INAVA: variants seen among roughly 807,000 people sequenced by gnomAD.
INAVA encodes innate immunity activator, also known as innate immunity activator protein.
In INAVA, 32 loss-of-function variants were observed where a neutral mutation model predicts 55.3. The observed-to-expected ratio is 0.58, with a 90% CI of 0.44 to 0.78. The LOEUF (loss-of-function observed/expected upper bound fraction) is 0.78. INAVA is among the 30% of genes least tolerant of loss of function. The pLI, the probability that INAVA is intolerant of heterozygous loss-of-function variation, is 0.00. For missense variants in INAVA, 756 were observed against 786.4 expected (o/e 0.96, Z 0.46); for synonymous variants, 294 against 329.4 (o/e 0.89, Z 1.16).
chr1:200,904,867 A>ACTAC (rs1473342625), intron 5 of INAVA, among the ~76,000 whole-genome samples: 4 of 151,930 alleles, frequency 2.6e-5, no homozygotes. Context: ...AGTAGCTGGG[A>ACTAC]CTACAGTCAT....
At chr1:200,905,875 C>A (rs1653467472) in intron 5 of INAVA, among the ~76,000 whole-genome samples, 1 of 152,130 alleles carries the variant, frequency 6.6e-6, no homozygotes, top group South Asian at 2.1e-4. Context: ...ATTTGAGATG[C>A]AAGCTCACAG....
chr1:200,895,514 C>T (rs887809863), intron 1 of INAVA, among the ~76,000 whole-genome samples: 1 of 152,038 alleles, frequency 6.6e-6, no homozygotes, highest in African/African-American at 2.4e-5. Flanking sequence ...CTTGAAGAGG[C>T]CCAGGAGGGA....
rs571499168 is a variant in INAVA at position 200,910,668 on chromosome 1, G to A, written c.960-785G>A. Among the ~76,000 whole-genome samples the A allele has an allele frequency of 3.9e-5, 6 of 152,268 alleles. No homozygotes were observed. The East Asian group carries it at 7.7e-4, about 20-fold the overall frequency. ...GCAATCTTTGCTCACTGCAACCTCC[G>A]CCTCTCAGGTTCAAGCGATTCTCCT... On this transcript the variant is annotated intron_variant, in intron 8 of 9. Transcript: ENST00000413687.
rs1278826278 is a variant in INAVA at position 200,911,610 on chromosome 1, G to A, written c.1117G>A (p.Gly373Ser). 1 of 1,613,878 alleles carries A rather than the reference G, an allele frequency of 6.2e-7. No homozygotes were observed. Among genetic ancestry groups the A allele is most frequent in the Non-Finnish European group, 8.5e-7 (1 of 1,179,956 alleles). ...CTGCCACTCCTGCTCAGAAGACAGTGGCTCTGACGTCTCCAGCATCTCCCA... is the reference window on the plus strand; with the variant it reads ...CTGCCACTCCTGCTCAGAAGACAGTAGCTCTGACGTCTCCAGCATCTCCCA... ...AACHSCSEDS[G>S]SDVSSISHPT... Residue 373 changes from glycine to serine, a missense_variant, in exon 9 of 10, where the codon GGC becomes AGC. Gly to Ser is a moderately conservative substitution (Grantham distance 56). Coordinates refer to ENST00000413687, the MANE Select transcript of INAVA (RefSeq NM_001142569.3).
At chr1:200,899,319 C>T (rs1653122182) in intron 2 of INAVA, among the ~76,000 whole-genome samples, 154 bp from the exon 3 acceptor site, 1 of 152,010 alleles carries the variant, frequency 6.6e-6, no homozygotes, top group Admixed American at 6.5e-5. Flanking sequence ...GTGACACAGG[C>T]CACAGCAGCC....
intron 7 of INAVA, 84 bp downstream of exon 7, chr1:200,909,024 G>T: frequency 7.0e-7 from 1 of 1,424,662 alleles, no homozygotes; most frequent in African/African-American, 1.4e-5. Flanking sequence ...AGGCTGGGCA[G>T]ATGGAAAAGT....
At chr1:200,901,224 C>G in intron 5 of INAVA, 65 bp downstream of exon 5, 1 of 1,383,862 alleles carries the variant, frequency 7.2e-7, no homozygotes, top group South Asian at 1.5e-5. Context: ...GGTGGGCGCA[C>G]AGCCCCGTGC....
At chr1:200,894,296 G>C (rs188823791), upstream of INAVA, among the ~76,000 whole-genome samples, 1 of 152,142 alleles carries the variant, frequency 6.6e-6, no homozygotes, top group Non-Finnish European at 1.5e-5. Flanking sequence ...AATCAACAGA[G>C]AAGTGATGGC....
At chr1:200,893,807 G>A (rs1318313223), upstream of INAVA, among the ~76,000 whole-genome samples, 1 of 152,142 alleles carries the variant, frequency 6.6e-6, no homozygotes, top group Non-Finnish European at 1.5e-5. Context: ...GGAGATGCCT[G>A]GTGAAAGCAA....
chr1:200,912,088 T>TG lies in INAVA; in HGVS notation c.1596dup (p.Pro533AlafsTer28), dbSNP rs1296055937. ...CAAGGAGCTTTCCGGGTCAGGAGCC[T>TG]GCCCCTTGGGAGAGAGGGCTTCGGA... is the stretch of plus-strand genomic sequence containing the variant. On this transcript the variant is annotated frameshift_variant, in exon 9 of 10. Transcript: ENST00000413687. LOFTEE classifies it high-confidence loss of function. 1.3e-6 allele frequency: 2 copies of TG among 1,549,088 alleles called. No individual in the cohort carries two copies. Among genetic ancestry groups the TG allele is most frequent in the Non-Finnish European group, 1.7e-6 (2 of 1,146,660 alleles).
intron 4 of INAVA, 44 bp from the exon 5 acceptor site, chr1:200,900,893 A>G (rs955649831): frequency 3.4e-5 from 50 of 1,461,002 alleles, no homozygotes; most frequent in Non-Finnish European, 4.2e-5. Context: ...TGGGCCCCCA[A>G]TCTCCCTGCC....
chr1:200,903,529 G>A (rs1254687587), intron 5 of INAVA, among the ~76,000 whole-genome samples: 1 of 151,870 alleles, frequency 6.6e-6, no homozygotes, highest in African/African-American at 2.4e-5. Flanking sequence ...AGGAGGCCAG[G>A]TGCAGTGGCT....
chr1:200,894,179 G>T (rs1038669221), upstream of INAVA, among the ~76,000 whole-genome samples: 2 of 152,126 alleles, frequency 1.3e-5, no homozygotes, highest in East Asian at 3.9e-4. Context: ...TGGACTTAGG[G>T]TCTGGGGTCA....
chr1:200,899,621 A>G, intron 3 of INAVA, 24 bp downstream of exon 3: 1 of 1,609,962 alleles, frequency 6.2e-7, no homozygotes, highest in Non-Finnish European at 8.5e-7. Flanking sequence ...CAGCACACAC[A>G]AGCATCGGGT....
chr1:200,908,612 A>G, intron 6 of INAVA, 118 bp from the exon 7 acceptor site: 1 of 839,590 alleles, frequency 1.2e-6, no homozygotes. Context: ...GGCCTGCAGC[A>G]GCTGCACAAG....
At chr1:200,908,619 C>A (rs927200934) in intron 6 of INAVA, 111 bp from the exon 7 acceptor site, 1 of 926,052 alleles carries the variant, frequency 1.1e-6, no homozygotes, top group Non-Finnish European at 1.6e-6. Flanking sequence ...AGCAGCTGCA[C>A]AAGCCAGCAT....
chr1:200,899,661 G>C (rs1653146065), intron 3 of INAVA, 64 bp downstream of exon 3: 11 of 1,580,550 alleles, frequency 7.0e-6, no homozygotes, highest in Non-Finnish European at 6.9e-6. Context: ...GCCACGTGTG[G>C]GGATGCGGGA....
chr1:200,911,801 G>C lies in INAVA; in HGVS notation c.1308G>C (p.Arg436=). The part of the protein sequence containing the change: ...LLPPGYFPAG[R]YVVVAESPLP... The stretch of plus-strand genomic sequence containing the variant: ...CGCCTGGCTATTTCCCGGCGGGGCG[G>C]TACGTGGTGGTGGCTGAGAGCCCCC... The change falls in exon 9 of 10, where the codon CGG becomes CGC. Residue 436 remains arginine (R), a synonymous_variant. Coordinates refer to ENST00000413687, the MANE Select transcript of INAVA (RefSeq NM_001142569.3). 1.2e-6 allele frequency: 2 copies of C among 1,608,420 alleles called. No individual in the cohort carries two copies. Among genetic ancestry groups the C allele is most frequent in the Non-Finnish European group, 1.7e-6 (2 of 1,178,202 alleles).
Position 200,908,586 on chromosome 1 carries a change from C to G in INAVA, c.575-144C>G, listed in dbSNP as rs1653585912. On this transcript the variant is annotated intron_variant, in intron 6 of 9. Transcript: ENST00000413687. ...AGGAGAAGAAAACATGTTTGAGCAT[C>G]TAGGGCTGGAGCCATGGCCTGCAGC... The G allele has an allele frequency of 6.8e-5, 47 of 688,554 alleles. 1 individual carries two copies. In the South Asian group the frequency reaches 9.5e-4, roughly 14 times the overall value. The allele number at this position is 688,554 out of a possible 1,614,324, so 42.7% of individuals were successfully genotyped here.
Sources: gnomAD v4.1 joint callset for allele counts (sites outside exome capture counted in the v4.1 genomes callset) on GRCh38, gnomAD v4.1.1 for gene constraint, MANE v1.5 for transcripts, NCBI Gene and HGNC (gene_info 2026-07-23, HGNC 2026-07-21) for gene names.